The following ANKRD61 variants were observed in gnomAD, a reference collection of about 807,000 sequenced individuals.
The protein encoded by ANKRD61 is ankyrin repeat domain-containing protein 61.
Under a neutral mutation model 8.4 loss-of-function variants are expected in ANKRD61, and 7 were observed. The observed-to-expected ratio is 0.84, with a 90% CI of 0.48 to 1.57. The LOEUF (loss-of-function observed/expected upper bound fraction) is 1.57, where lower values mean the gene tolerates loss of function less well. Ranked by LOEUF, ANKRD61 falls within the 40% of genes most tolerant of loss-of-function variation. ANKRD61 has a pLI of 0.00. For missense variants in ANKRD61, 516 were observed against 523.4 expected, an observed-to-expected ratio of 0.99 and a Z score of 0.14; for synonymous variants, 198 against 208.0, an observed-to-expected ratio of 0.95 and a Z score of 0.41.
rs1787986622 is a variant in ANKRD61, at chr7:6,033,857, C to T, written c.314+921C>T. On this transcript the variant is annotated intron_variant, in intron 2 of 2. Transcript: ENST00000409061. This position sits in a 1 kb window ranked among gnomAD's most constrained non-coding sequence, Gnocchi z 4.4. ...GTGCTGGGATTACAGGCGTGAGCCGCCGTGCCTGGCCGACAATGGATTTTC... is the reference window on the plus strand; with the variant it reads ...GTGCTGGGATTACAGGCGTGAGCCGTCGTGCCTGGCCGACAATGGATTTTC... 6.6e-6 allele frequency among the ~76,000 whole-genome samples: 1 copy of T among 151,812 alleles called. No individual in the cohort carries two copies. Among genetic ancestry groups the T allele is most frequent in the African/African-American group, 2.4e-5 (1 of 41,348 alleles).
chr7:6,031,787 T>G (rs796621996), intron 1 of ANKRD61, among the ~76,000 whole-genome samples, 196 bp downstream of exon 1: 6 of 152,186 alleles, frequency 3.9e-5, no homozygotes, highest in African/African-American at 1.4e-4. Flanking sequence ...CAAACCAACA[T>G]GAGAAAACAC....
chr7:6,034,857 G>T (rs1021831605), intron 2 of ANKRD61, among the ~76,000 whole-genome samples: 2 of 152,162 alleles, frequency 1.3e-5, no homozygotes, highest in African/African-American at 2.4e-5. Flanking sequence ...AATGACCACA[G>T]GTCTTCAGAT....
chr7:6,031,665 T>G, intron 1 of ANKRD61, 74 bp downstream of exon 1: 4 of 1,448,070 alleles, frequency 2.8e-6, no homozygotes, highest in Non-Finnish European at 3.8e-6. Flanking sequence ...CTAAAGCTGG[T>G]GAACCCACTA....
rs1787982344 is a variant in ANKRD61, at chr7:6,033,727, G to T, written c.314+791G>T. 6.6e-6 allele frequency among the ~76,000 whole-genome samples: 1 copy of T among 151,884 alleles called. No individual in the cohort carries two copies. The highest frequency in any genetic ancestry group is 6.6e-5 in the Admixed American group (1 of 15,248). On this transcript the variant is annotated intron_variant, in intron 2 of 2. Coordinates refer to ENST00000409061, the MANE Select transcript of ANKRD61 (RefSeq NM_001271700.2). This position sits in a 1 kb window ranked among gnomAD's most constrained non-coding sequence, Gnocchi z 4.4. The stretch of plus-strand genomic sequence containing the variant: ...TGGGACTACAGGCGCCTGCCACCAC[G>T]CCTGGCTAATTTTTTGTATTTTTAG...
chr7:6,035,335 A>T lies in ANKRD61; in HGVS notation c.315-109A>T. The T allele has an allele frequency of 9.3e-7, 1 of 1,077,420 alleles. No individual in the cohort carries two copies. Among genetic ancestry groups the T allele is most frequent in the East Asian group, 2.6e-5 (1 of 38,268 alleles). 66.7% of individuals were successfully genotyped at this position (1,077,420 alleles called of 1,614,324 possible). A position where few individuals can be genotyped will look rare whatever the true frequency, so the allele number is the denominator to read the frequency against. On this transcript the variant is annotated intron_variant, in intron 2 of 2. Coordinates refer to ENST00000409061, the MANE Select transcript of ANKRD61 (RefSeq NM_001271700.2). The surrounding 1 kb of genome is among the most constrained non-coding windows in gnomAD (Gnocchi z 5.5). ...GATTTTGAAACACGTCCTTAAGGTAATTGAAGGGTCTTACTTTAAATAAAT... is the reference window on the plus strand; with the variant it reads ...GATTTTGAAACACGTCCTTAAGGTATTTGAAGGGTCTTACTTTAAATAAAT...
rs56841160 is a variant in ANKRD61 at position 6,036,112 on chromosome 7, C to T, written c.983C>T (p.Thr328Met). 5.8e-6 allele frequency: 9 copies of T among 1,550,610 alleles called. No homozygotes were observed. The highest frequency in any genetic ancestry group is 1.7e-4 in the Middle Eastern group (1 of 6,016). ...YLQRSCNVRD[T>M]ALLARLLYHT... The stretch of plus-strand genomic sequence containing the variant: ...CAGCGCAGTTGCAATGTAAGAGATA[C>T]GGCACTTCTGGCCAGGCTACTTTAT... Residue 328 changes from threonine (T) to methionine (M), a missense_variant, in exon 3 of 3, where the codon ACG (threonine) becomes ATG (methionine). Thr to Met is a moderately conservative substitution (Grantham distance 81, BLOSUM62 -1). Coordinates refer to ENST00000409061, the MANE Select transcript of ANKRD61 (RefSeq NM_001271700.2). The surrounding 1 kb of genome is among the most constrained non-coding windows in gnomAD (Gnocchi z 4.6).
intron 2 of ANKRD61, among the ~76,000 whole-genome samples, chr7:6,034,114 G>C (rs1249284909): frequency 6.6e-6 from 1 of 151,212 alleles, no homozygotes; most frequent in Non-Finnish European, 1.5e-5. Context: ...TCAGGAGTTC[G>C]AGACCAGCCT....
In ANKRD61 at chr7:6,035,733, A is replaced by G. The variant is rs1788059260; in HGVS notation, c.604A>G (p.Met202Val). 6.4e-7 allele frequency: 1 copy of G among 1,551,058 alleles called. No individual in the cohort carries two copies. Among genetic ancestry groups the G allele is most frequent in the African/African-American group, 1.4e-5 (1 of 73,172 alleles). The change falls in exon 3 of 3, where the codon ATG becomes GTG. Residue 202 changes from methionine (M) to valine (V), a missense_variant. Physicochemically the swap from Met to Val is conservative, Grantham distance 21. Transcript: ENST00000409061. This position sits in a 1 kb window ranked among gnomAD's most constrained non-coding sequence, Gnocchi z 5.5. The part of the protein sequence containing the change: ...ADVNAINEAS[M>V]TPLHMAANML... ...TGTCAATGCTATTAATGAAGCCAGCATGACACCCCTTCACATGGCCGCAAA... is the reference window on the plus strand; with the variant it reads ...TGTCAATGCTATTAATGAAGCCAGCGTGACACCCCTTCACATGGCCGCAAA...
Position 6,036,150 on chromosome 7 carries a change from C to CT in ANKRD61, c.1022dup (p.Arg342GlufsTer5), listed in dbSNP as rs1206454257. 6.5e-7 allele frequency: 1 copy of CT among 1,550,130 alleles called. No individual in the cohort carries two copies. Among genetic ancestry groups the CT allele is most frequent in the African/African-American group, 1.4e-5 (1 of 73,026 alleles). On this transcript the variant is annotated frameshift_variant, in exon 3 of 3. Transcript: ENST00000409061. LOFTEE classifies it low-confidence loss of function (END_TRUNC). The surrounding 1 kb of genome is among the most constrained non-coding windows in gnomAD (Gnocchi z 4.6). ...CAGGCTACTTTATCACACTTATCCT[C>CT]TGAGAATGACCAATAACCAAGGAAT...
rs1787950967 is a variant in ANKRD61, at chr7:6,032,704, C to G, written c.217-135C>G. ...AAACAGGTAGTAGAAAGGAAACTTT[C>G]AATGCACATACCAGAAAAAGAGTGA... On this transcript the variant is annotated intron_variant, in intron 1 of 2. Transcript: ENST00000409061. The surrounding 1 kb of genome is among the most constrained non-coding windows in gnomAD (Gnocchi z 4.3). The G allele has an allele frequency of 3.3e-6, 2 of 603,684 alleles. No homozygotes were observed. Among genetic ancestry groups the G allele is most frequent in the African/African-American group, 1.9e-5 (1 of 53,194 alleles). 37.4% of individuals were successfully genotyped at this position (603,684 alleles called of 1,614,324 possible). A position where few individuals can be genotyped will look rare whatever the true frequency, so the allele number is the denominator to read the frequency against.
In ANKRD61 at chr7:6,031,514, C is replaced by G; in HGVS notation, c.139C>G (p.Leu47Val). The change falls in exon 1 of 3, where the codon CTC (leucine) becomes GTC (valine). Residue 47 changes from leucine to valine, a missense_variant. By Grantham distance (32) the Leu-to-Val change is conservative (BLOSUM62 1). Coordinates refer to ENST00000409061, the MANE Select transcript of ANKRD61 (RefSeq NM_001271700.2). ...AGAAGACTGCACTACGATCGAGGTACTCCTGAGAAATCACCCTGTCAACCA... is the reference window on the plus strand; with the variant it reads ...AGAAGACTGCACTACGATCGAGGTAGTCCTGAGAAATCACCCTGTCAACCA... Reference protein sequence around the residue: ...MREDCTTIEVLLRNHPVNQPI... With the variant: ...MREDCTTIEVVLRNHPVNQPI... 1.3e-6 allele frequency: 2 copies of G among 1,550,678 alleles called. No homozygotes were observed. The highest frequency in any genetic ancestry group is 1.7e-6 in the Non-Finnish European group (2 of 1,146,998).
chr7:6,031,657 A>G lies in ANKRD61; in HGVS notation c.216+66A>G, dbSNP rs879309548. Reference sequence around the variant, plus strand: ...GGCTGCTTAGAAAGAAGCATGATCTAAAGCTGGTGAACCCACTAAGCTCAC... The same window carrying G: ...GGCTGCTTAGAAAGAAGCATGATCTGAAGCTGGTGAACCCACTAAGCTCAC... On this transcript the variant is annotated intron_variant, in intron 1 of 2. Coordinates refer to ENST00000409061, the MANE Select transcript of ANKRD61 (RefSeq NM_001271700.2). The G allele has an allele frequency of 9.0e-5, 134 of 1,482,666 alleles. 2 individuals carry two copies. The highest frequency in any genetic ancestry group is 6.1e-4 in the Admixed American group (31 of 50,618). The allele number at this position is 1,482,666 out of a possible 1,614,324, so 91.8% of individuals were successfully genotyped here.
At position 6,033,271 on chromosome 7, in the gene ANKRD61, C is replaced by G. The variant is rs534716106; in HGVS notation, c.314+335C>G. On this transcript the variant is annotated intron_variant, in intron 2 of 2. Coordinates refer to ENST00000409061, the MANE Select transcript of ANKRD61 (RefSeq NM_001271700.2). This position sits in a 1 kb window ranked among gnomAD's most constrained non-coding sequence, Gnocchi z 4.4. ...AGCCCTCAGCCACAGCACCCAGCTTCACTGACAATCATTTCTAAGTGAGGA... is the reference window on the plus strand; with the variant it reads ...AGCCCTCAGCCACAGCACCCAGCTTGACTGACAATCATTTCTAAGTGAGGA... 6.6e-6 allele frequency among the ~76,000 whole-genome samples: 1 copy of G among 152,258 alleles called. No homozygotes were observed. Among genetic ancestry groups the G allele is most frequent in the African/African-American group, 2.4e-5 (1 of 41,558 alleles).
In ANKRD61 at chr7:6,031,391, A is replaced by G. The variant is rs1787907280; in HGVS notation, c.16A>G (p.Arg6Gly). ...AGTTTTTCTCATGGGGAATATAACC[A>G]GGAAAGGAAGCAGAGACCTGGTGGT... MGNIT[R>G]KGSRDLVVDS... The change falls in exon 1 of 3, where the codon AGG becomes GGG. Residue 6 changes from arginine to glycine, a missense_variant. By Grantham distance (125) the Arg-to-Gly change is moderately radical. Coordinates refer to ENST00000409061, the MANE Select transcript of ANKRD61 (RefSeq NM_001271700.2). 1 of 1,550,610 alleles carries G rather than the reference A, an allele frequency of 6.4e-7. No homozygotes were observed. The highest frequency in any genetic ancestry group is 1.4e-5 in the African/African-American group (1 of 73,036).
In ANKRD61 at chr7:6,035,379, A is replaced by G; in HGVS notation, c.315-65A>G. The stretch of plus-strand genomic sequence containing the variant: ...AATAAATACTGGCTTCTTAAGCATT[A>G]ACTGTCCACGTAGAGCCGTTCCCAC... On this transcript the variant is annotated intron_variant, in intron 2 of 2. Coordinates refer to ENST00000409061, the MANE Select transcript of ANKRD61 (RefSeq NM_001271700.2). This position sits in a 1 kb window ranked among gnomAD's most constrained non-coding sequence, Gnocchi z 5.5. The G allele has an allele frequency of 7.1e-7, 1 of 1,401,146 alleles. No homozygotes were observed. The highest frequency in any genetic ancestry group is 9.7e-7 in the Non-Finnish European group (1 of 1,029,900). The allele number at this position is 1,401,146 out of a possible 1,614,324, so 86.8% of individuals were successfully genotyped here.
Position 6,032,936 on chromosome 7 carries a change from G to T in ANKRD61, c.314G>T (p.Arg105Met). Residue 105 changes from arginine to methionine, a missense_variant and splice_region_variant, in exon 2 of 3, where the codon AGG becomes ATG. Arg to Met is a moderately conservative substitution (Grantham distance 91). Transcript: ENST00000409061. This position sits in a 1 kb window ranked among gnomAD's most constrained non-coding sequence, Gnocchi z 4.3. ...CGGCACGGTGCTGACCCAGAAGTCA[G>T]GTAAGTTAACTCCACCGAAAATCAT... ...LLRHGADPEVRDTTGLTTLNL... is the reference protein window; with the variant it reads ...LLRHGADPEVMDTTGLTTLNL... 1 of 1,549,290 alleles carries T rather than the reference G, an allele frequency of 6.5e-7. No homozygotes were observed. Among genetic ancestry groups the T allele is most frequent in the Non-Finnish European group, 8.7e-7 (1 of 1,145,894 alleles).
rs980194146 is a variant in ANKRD61, at chr7:6,035,278, T to G, written c.315-166T>G. Among the ~76,000 whole-genome samples the G allele has an allele frequency of 2.6e-5, 4 of 152,142 alleles. No individual in the cohort carries two copies. The highest frequency in any genetic ancestry group is 6.5e-5 in the Admixed American group (1 of 15,274). On this transcript the variant is annotated intron_variant, in intron 2 of 2. Transcript: ENST00000409061. The surrounding 1 kb of genome is among the most constrained non-coding windows in gnomAD (Gnocchi z 5.5). ...TCCCACCACATCCCACGAAAAACCC[T>G]GGGATAGCCTGAGAAACTACCCAGC...
rs1293647277 is a variant in ANKRD61, at chr7:6,032,102, A to C, written c.216+511A>C. ...GGCAGGAGAATTGCTTGAACCCAGG[A>C]GGCAGAGGTTGCAGTGAGCCAAGAT... On this transcript the variant is annotated intron_variant, in intron 1 of 2. Transcript: ENST00000409061. The surrounding 1 kb of genome is among the most constrained non-coding windows in gnomAD (Gnocchi z 4.3). Among the ~76,000 whole-genome samples the C allele has an allele frequency of 6.6e-6, 1 of 152,158 alleles. No individual in the cohort carries two copies. Among genetic ancestry groups the C allele is most frequent in the African/African-American group, 2.4e-5 (1 of 41,430 alleles).
chr7:6,035,769 A>G lies in ANKRD61; in HGVS notation c.640A>G (p.Lys214Glu). The stretch of plus-strand genomic sequence containing the variant: ...TCACATGGCCGCAAACATGCTGAAT[A>G]AGGAGATGATGGAAACGCTCATTGC... ...PLHMAANMLN[K>E]EMMETLIAYG... The change falls in exon 3 of 3, where the codon AAG becomes GAG. Residue 214 changes from lysine (K) to glutamate (E), a missense_variant. Lys to Glu is a moderately conservative substitution (Grantham distance 56, BLOSUM62 1). Transcript: ENST00000409061. The surrounding 1 kb of genome is among the most constrained non-coding windows in gnomAD (Gnocchi z 5.5). The G allele has an allele frequency of 6.4e-7, 1 of 1,551,170 alleles. No individual in the cohort carries two copies. Among genetic ancestry groups the G allele is most frequent in the Non-Finnish European group, 8.7e-7 (1 of 1,147,140 alleles).
Sources: gnomAD v4.1 joint callset for allele counts (sites outside exome capture counted in the v4.1 genomes callset) on GRCh38, gnomAD v4.1.1 for gene constraint, Gnocchi (gnomAD v3.1) non-coding constraint, MANE v1.5 for transcripts, NCBI Gene and HGNC (gene_info 2026-07-23, HGNC 2026-07-21) for gene names.